Variants in MGAT4C observed in about 807,000 individuals in gnomAD.
MGAT4C encodes the protein alpha-1,3-mannosyl-glycoprotein 4-beta-N-acetylglucosaminyltransferase C.
Under a neutral mutation model 40.1 loss-of-function variants are expected in MGAT4C, and 19 were observed. That is an observed-to-expected ratio of 0.47 (90% CI 0.33 to 0.70). The LOEUF is 0.70. Ranked by LOEUF, MGAT4C falls within the 30% of genes least tolerant of loss-of-function variation. The probability of loss-of-function intolerance (pLI) is 0.02; values close to 1 mark genes in which losing one functional copy is unlikely to be tolerated. For synonymous variants in MGAT4C, 181 were observed against 187.1 expected, an observed-to-expected ratio of 0.97 and a Z score of 0.27; for missense variants, 491 against 563.2, an observed-to-expected ratio of 0.87 and a Z score of 1.30.
At chr12:86,693,393 G>A (rs1305504573) in intron 2 of MGAT4C, among the ~76,000 whole-genome samples, 1 of 152,150 alleles carries the variant, frequency 6.6e-6, no homozygotes, top group East Asian at 1.9e-4. Flanking sequence ...TTAAACAAAT[G>A]AGGGTGGAAA....
At chr12:86,012,778 A>AACAACAACAACAACAACAACC (rs1308194133) in intron 2 of MGAT4C, among the ~76,000 whole-genome samples, 1 of 136,350 alleles carries the variant, frequency 7.3e-6, no homozygotes, top group African/African-American at 2.7e-5. Flanking sequence ...CAACAACAAC[A>AACAACAACAACAACAACAACC]ACCACCACCA....
chr12:86,121,469 G>C (rs904883250), intron 1 of MGAT4C, among the ~76,000 whole-genome samples: 2 of 151,996 alleles, frequency 1.3e-5, no homozygotes, highest in Non-Finnish European at 2.9e-5. Context: ...TTGAAATGAA[G>C]GAAAAAATGT....
At chr12:86,592,586 C>T (rs79397489) in intron 2 of MGAT4C, among the ~76,000 whole-genome samples, 4,089 of 152,134 alleles carry the variant, frequency 0.027, 145 homozygotes, top group African/African-American at 0.085. Flanking sequence ...CAATTTTAGG[C>T]GGCTGAAAGG....
intron 1 of MGAT4C, among the ~76,000 whole-genome samples, chr12:86,104,108 A>G (rs1875655139): frequency 6.6e-6 from 1 of 152,030 alleles, no homozygotes; most frequent in Admixed American, 6.6e-5. Context: ...AGGAGACACT[A>G]ATCCAAAGTT....
intron 1 of MGAT4C, among the ~76,000 whole-genome samples, chr12:86,175,927 C>T (rs761037428): frequency 1.3e-5 from 2 of 152,048 alleles, no homozygotes; most frequent in Non-Finnish European, 2.9e-5. Context: ...GCCGATATCG[C>T]GCCACTGCAC....
intron 1 of MGAT4C, among the ~76,000 whole-genome samples, chr12:86,810,646 G>T (rs113002576): frequency 4.2e-4 from 63 of 151,664 alleles, no homozygotes; most frequent in African/African-American, 1.5e-3. Context: ...ATTTTTGAGT[G>T]TTCAACCAGC....
chr12:86,496,929 T>C (rs1458440792), intron 2 of MGAT4C, among the ~76,000 whole-genome samples: 1 of 151,994 alleles, frequency 6.6e-6, no homozygotes, highest in Admixed American at 6.6e-5. Context: ...CTAATAGATA[T>C]GAATTTGAAA....
chr12:86,708,249 T>C (rs1011930176), intron 2 of MGAT4C, among the ~76,000 whole-genome samples: 1 of 152,194 alleles, frequency 6.6e-6, no homozygotes, highest in African/African-American at 2.4e-5. Context: ...GGACCACGGC[T>C]TCAGAGAGTG....
intron 1 of MGAT4C, among the ~76,000 whole-genome samples, chr12:86,835,450 T>G (rs1271898039): frequency 1.3e-5 from 2 of 151,952 alleles, no homozygotes; most frequent in African/African-American, 4.8e-5. Flanking sequence ...ATTGGTACGC[T>G]TGAACTACTC....
At chr12:86,662,395 A>G (rs1296884564) in intron 2 of MGAT4C, among the ~76,000 whole-genome samples, 1 of 152,212 alleles carries the variant, frequency 6.6e-6, no homozygotes, top group African/African-American at 2.4e-5. Context: ...TAACTTGAAG[A>G]ATAATCTCCC....
intron 2 of MGAT4C, among the ~76,000 whole-genome samples, chr12:86,546,553 A>G (rs1959193800): frequency 6.6e-6 from 1 of 152,092 alleles, no homozygotes; most frequent in Admixed American, 6.5e-5. Context: ...TATAGGCATC[A>G]AGTAAAACTA....
intron 2 of MGAT4C, among the ~76,000 whole-genome samples, chr12:86,454,233 A>T (rs1194569981): frequency 6.6e-6 from 1 of 151,974 alleles, no homozygotes; most frequent in African/African-American, 2.4e-5. Flanking sequence ...CAATTATTAC[A>T]TCCTTTTTTT....
chr12:86,335,431 T>G (rs999785088), intron 3 of MGAT4C, among the ~76,000 whole-genome samples: 9 of 151,832 alleles, frequency 5.9e-5, no homozygotes, highest in Non-Finnish European at 1.3e-4. Flanking sequence ...TATGGGAGAG[T>G]ATAAGCCTAA....
At chr12:86,101,956 T>C (rs1875165431) in intron 1 of MGAT4C, among the ~76,000 whole-genome samples, 1 of 151,982 alleles carries the variant, frequency 6.6e-6, no homozygotes, top group Non-Finnish European at 1.5e-5. Context: ...CAATCCTTTT[T>C]CTGATGAAAA....
chr12:86,510,614 A>T (rs376778023), intron 2 of MGAT4C, among the ~76,000 whole-genome samples: 1 of 152,102 alleles, frequency 6.6e-6, no homozygotes, highest in African/African-American at 2.4e-5. Context: ...TGCAGAGACA[A>T]ACATAGGCTC....
intron 2 of MGAT4C, among the ~76,000 whole-genome samples, chr12:86,461,118 G>T (rs1957591974): frequency 6.6e-6 from 1 of 151,598 alleles, no homozygotes; most frequent in South Asian, 2.1e-4. Context: ...ATGGGAATAG[G>T]TATAGATTTG....
At chr12:86,348,648 G>A (rs939327936) in intron 3 of MGAT4C, among the ~76,000 whole-genome samples, 1 of 152,076 alleles carries the variant, frequency 6.6e-6, no homozygotes, top group Admixed American at 6.6e-5. Flanking sequence ...ACCATCTTTT[G>A]AGCATTTTAC....
At chr12:86,237,863 T>A (rs1420857969) in intron 1 of MGAT4C, among the ~76,000 whole-genome samples, 1 of 151,946 alleles carries the variant, frequency 6.6e-6, no homozygotes, top group Non-Finnish European at 1.5e-5. Flanking sequence ...AGGAAAATAA[T>A]AACTAAAGTC....
At chr12:86,278,663 C>T (rs955886710) in intron 4 of MGAT4C, among the ~76,000 whole-genome samples, 1 of 151,938 alleles carries the variant, frequency 6.6e-6, no homozygotes, top group African/African-American at 2.4e-5. Context: ...AATTTGACTT[C>T]TTCCTTTCCA....
Sources: gnomAD v4.1 joint callset for allele counts (sites outside exome capture counted in the v4.1 genomes callset) on GRCh38, gnomAD v4.1.1 for gene constraint, MANE v1.5 for transcripts, NCBI Gene and HGNC (gene_info 2026-07-23, HGNC 2026-07-21) for gene names.